The following ACMSD variants were observed in gnomAD, a reference collection of about 807,000 sequenced individuals.
ACMSD encodes aminocarboxymuconate semialdehyde decarboxylase, also known as 2-amino-3-carboxymuconate-6-semialdehyde decarboxylase.
ACMSD carries 37 observed loss-of-function variants against 45.9 expected under a neutral mutation model. The ratio of observed to expected loss-of-function variants is 0.81; its 90% CI spans 0.62 to 1.06. The LOEUF (loss-of-function observed/expected upper bound fraction) is 1.06. Among genes scored for constraint, ACMSD ranks in the 50% least tolerant of loss-of-function variants. The pLI is 0.00. For missense variants in ACMSD, 434 were observed against 420.9 expected (o/e 1.03, Z -0.27); for synonymous variants, 138 against 148.8 (o/e 0.93, Z 0.53).
chr2:134,855,279 T>C (rs374598111), intron 2 of ACMSD, among the ~76,000 whole-genome samples: 7 of 152,140 alleles, frequency 4.6e-5, no homozygotes, highest in African/African-American at 1.7e-4. Flanking sequence ...GGAATTCCCA[T>C]GATTGAAGCC....
intron 8 of ACMSD, among the ~76,000 whole-genome samples, chr2:134,896,026 G>A (rs139098406): frequency 3.3e-5 from 5 of 152,172 alleles, no homozygotes; most frequent in African/African-American, 1.2e-4. Flanking sequence ...TTCAACAAGG[G>A]TGCCAATACA....
rs10572074 is a variant in ACMSD, at chr2:134,893,209, A to ATT, written c.850-5115_850-5114dup. Among the ~76,000 whole-genome samples the ATT allele has an allele frequency of 0.02, 2,712 of 132,696 alleles. 149 individuals carry two copies. The East Asian group carries it at 0.26, about 13-fold the overall frequency. The allele number at this position is 132,696 out of a possible 152,430, so 87.1% of individuals were successfully genotyped here. A position where few individuals can be genotyped will look rare whatever the true frequency, so the allele number is the denominator to read the frequency against. ...CTTTTCTTCCAATATATCACACTGC[A>ATT]TTTTTTTTTTTTTTTTTTGAGACAG... On this transcript the variant is annotated intron_variant, in intron 8 of 9. Transcript: ENST00000356140.
At chr2:134,840,433 C>T (rs942822672) in intron 1 of ACMSD, among the ~76,000 whole-genome samples, 2 of 151,940 alleles carry the variant, frequency 1.3e-5, no homozygotes, top group South Asian at 4.2e-4. Flanking sequence ...ATGTGTATGT[C>T]CCCCCCAAAA....
intron 8 of ACMSD, among the ~76,000 whole-genome samples, chr2:134,886,812 A>G (rs1238750746): frequency 6.6e-6 from 1 of 152,200 alleles, no homozygotes; most frequent in Non-Finnish European, 1.5e-5. Context: ...TCTTTGGCAG[A>G]TGACATGACA....
chr2:134,895,776 G>A (rs1028222181), intron 8 of ACMSD, among the ~76,000 whole-genome samples: 1 of 152,174 alleles, frequency 6.6e-6, no homozygotes, highest in African/African-American at 2.4e-5. Context: ...CAGGAGAATT[G>A]CCTGAATCCG....
chr2:134,858,951 T>TACAAGGTTCAGATC (rs1687719328), intron 2 of ACMSD, among the ~76,000 whole-genome samples: 1 of 147,342 alleles, frequency 6.8e-6, no homozygotes, highest in Non-Finnish European at 1.5e-5. Flanking sequence ...TTGTATCTAG[T>TACAAGGTTCAGATC]AGCCAGGGGT....
chr2:134,842,252 G>A (rs914316129), intron 1 of ACMSD, among the ~76,000 whole-genome samples: 97 of 152,190 alleles, frequency 6.4e-4, no homozygotes, highest in Non-Finnish European at 1.6e-4. Context: ...AGAACTGCGG[G>A]GCTACATCAA....
At chr2:134,882,048 G>A (rs1204815655) in intron 8 of ACMSD, among the ~76,000 whole-genome samples, 13 of 152,126 alleles carry the variant, frequency 8.5e-5, no homozygotes, top group Admixed American at 6.5e-4. Context: ...AACCTGGGAG[G>A]TGGAGATTGC....
chr2:134,851,520 T>G (rs905309585), intron 2 of ACMSD, among the ~76,000 whole-genome samples: 2 of 152,056 alleles, frequency 1.3e-5, no homozygotes, highest in African/African-American at 4.8e-5. Flanking sequence ...CTCGACTCAC[T>G]GCACCTCCGC....
chr2:134,841,576 T>G (rs753766712), intron 1 of ACMSD, among the ~76,000 whole-genome samples: 42 of 152,108 alleles, frequency 2.8e-4, no homozygotes, highest in Non-Finnish European at 5.4e-4. Context: ...TTGTTTCTGA[T>G]GAATGAGGAC....
At chr2:134,889,281 G>A (rs1042429197) in intron 8 of ACMSD, among the ~76,000 whole-genome samples, 1 of 152,188 alleles carries the variant, frequency 6.6e-6, no homozygotes, top group South Asian at 2.1e-4. Context: ...AGATATGTGT[G>A]TGTGAGGCAG....
intron 1 of ACMSD, among the ~76,000 whole-genome samples, chr2:134,844,698 G>A (rs1042652531): frequency 6.6e-6 from 1 of 152,196 alleles, no homozygotes; most frequent in Non-Finnish European, 1.5e-5. Context: ...TGCAGGCGCT[G>A]GCTGATGGAG....
At chr2:134,882,039 A>G (rs573856716) in intron 8 of ACMSD, among the ~76,000 whole-genome samples, 264 of 152,160 alleles carry the variant, frequency 1.7e-3, no homozygotes, top group African/African-American at 5.4e-3. Context: ...AATCACTTGA[A>G]CCTGGGAGGT....
intron 9 of ACMSD, among the ~76,000 whole-genome samples, chr2:134,899,614 T>A (rs1285847389): frequency 1.3e-5 from 2 of 152,152 alleles, no homozygotes; most frequent in African/African-American, 4.8e-5. Context: ...TGCCTTTTAT[T>A]GTTTATTCTT....
rs1013190721 is a variant in ACMSD at position 134,853,703 on chromosome 2, G to GA, written c.103-5548dup. Among the ~76,000 whole-genome samples the GA allele has an allele frequency of 2.7e-4, 40 of 148,196 alleles. 1 individual carries two copies. The highest frequency in any genetic ancestry group is 4.3e-4 in the South Asian group (2 of 4,666). ...CTGTCAGCTCTCAAAATTCCAGCTG[G>GA]AAAAAAAAAACCAATGAGAACTGGG... On this transcript the variant is annotated intron_variant, in intron 2 of 9. Coordinates refer to ENST00000356140, the MANE Select transcript of ACMSD (RefSeq NM_138326.3).
chr2:134,841,591 A>C (rs1293442989), intron 1 of ACMSD, among the ~76,000 whole-genome samples: 2 of 152,034 alleles, frequency 1.3e-5, no homozygotes, highest in Non-Finnish European at 1.5e-5. Context: ...GAGGACCCAC[A>C]CTCTCTGCTG....
chr2:134,856,881 T>C (rs1687605353), intron 2 of ACMSD, among the ~76,000 whole-genome samples: 1 of 150,028 alleles, frequency 6.7e-6, no homozygotes, highest in Admixed American at 6.8e-5. Context: ...TTTGAGATCT[T>C]TTGTGGTTTA....
chr2:134,838,906 T>C (rs1686656134), intron 1 of ACMSD, among the ~76,000 whole-genome samples, 167 bp downstream of exon 1: 6 of 152,232 alleles, frequency 3.9e-5, no homozygotes, highest in Admixed American at 3.9e-4. Flanking sequence ...ATGACTTTTA[T>C]ATTTATTTTG....
At chr2:134,847,608 T>C (rs1447642225) in intron 2 of ACMSD, among the ~76,000 whole-genome samples, 1 of 152,134 alleles carries the variant, frequency 6.6e-6, no homozygotes, top group Non-Finnish European at 1.5e-5. Flanking sequence ...ATCCGTCCCC[T>C]AGACCCCCAT....
Sources: gnomAD v4.1 joint callset for allele counts (sites outside exome capture counted in the v4.1 genomes callset) on GRCh38, gnomAD v4.1.1 for gene constraint, MANE v1.5 for transcripts, NCBI Gene and HGNC (gene_info 2026-07-23, HGNC 2026-07-21) for gene names.